Variants in CACNB2 observed in about 807,000 individuals in gnomAD.
CACNB2 encodes the protein voltage-dependent L-type calcium channel subunit beta-2.
Under a neutral mutation model 73.3 loss-of-function variants are expected in CACNB2, and 42 were observed. The observed-to-expected ratio is 0.57, with a 90% CI of 0.45 to 0.74. The LOEUF (loss-of-function observed/expected upper bound fraction) is 0.74, where lower values mean the gene tolerates loss of function less well. Ranked by LOEUF, CACNB2 falls within the 30% of genes least tolerant of loss-of-function variation. The pLI is 0.00. For synonymous variants in CACNB2, 348 were observed against 310.3 expected, an observed-to-expected ratio of 1.12 and a Z score of -1.28; for missense variants, 940 against 853.0, an observed-to-expected ratio of 1.10 and a Z score of -1.27.
intron 2 of CACNB2, among the ~76,000 whole-genome samples, chr10:18,351,278 G>A (rs1410089154): frequency 1.3e-5 from 2 of 151,426 alleles, no homozygotes; most frequent in Non-Finnish European, 1.5e-5. Flanking sequence ...TCTGTATCCC[G>A]TCATCATGTT....
chr10:18,319,188 G>T (rs2040305181), intron 2 of CACNB2, among the ~76,000 whole-genome samples: 1 of 152,084 alleles, frequency 6.6e-6, no homozygotes, highest in Admixed American at 6.6e-5. Context: ...CAAAGACTTG[G>T]AGCCAACCCA....
intron 7 of CACNB2, among the ~76,000 whole-genome samples, chr10:18,516,217 C>CA (rs144860586): frequency 6.3e-5 from 9 of 142,080 alleles, no homozygotes; most frequent in African/African-American, 8.0e-5. Context: ...AACTCTGTCT[C>CA]AAAAAAAAGA....
In CACNB2 at chr10:18,341,074, T is replaced by A. The variant is rs184120039; in HGVS notation, c.214-60850T>A. On this transcript the variant is annotated intron_variant, in intron 2 of 13. Coordinates refer to ENST00000324631, the MANE Select transcript of CACNB2 (RefSeq NM_201596.3). ...TGCCGAGCTTGAGCTAAAATCATAC[T>A]AGTTACTTAACTTTTTAGACTTTCT... is the stretch of plus-strand genomic sequence containing the variant. 5.8e-4 allele frequency: 740 copies of A among 1,269,268 alleles called. 1 individual carries two copies. The African/African-American group carries it at 8.9e-3, about 15-fold the overall frequency. The allele number at this position is 1,269,268 out of a possible 1,614,324, so 78.6% of individuals were successfully genotyped here.
intron 2 of CACNB2, among the ~76,000 whole-genome samples, chr10:18,385,183 T>TGAG (rs1034613398): frequency 1.3e-5 from 2 of 151,694 alleles, no homozygotes; most frequent in African/African-American, 4.9e-5. Context: ...CTCGAGAGGC[T>TGAG]GAGGCAGGAG....
At chr10:18,150,399 C>T (rs2031404125) in intron 1 of CACNB2, among the ~76,000 whole-genome samples, 1 of 152,254 alleles carries the variant, frequency 6.6e-6, no homozygotes, top group African/African-American at 2.4e-5. Context: ...TGCAACGGCT[C>T]ATGCCTGTAA....
At chr10:18,482,973 T>A (rs1455957437) in intron 3 of CACNB2, among the ~76,000 whole-genome samples, 2 of 152,176 alleles carry the variant, frequency 1.3e-5, no homozygotes, top group Non-Finnish European at 2.9e-5. Context: ...ATCTGTGCCT[T>A]CCTCCCGTGT....
chr10:18,227,736 A>G (rs999463026), intron 2 of CACNB2, among the ~76,000 whole-genome samples: 6 of 152,228 alleles, frequency 3.9e-5, no homozygotes, highest in South Asian at 2.1e-4. Flanking sequence ...GGCACCCTCC[A>G]GAATAGACAA....
At chr10:18,181,491 A>G (rs1163691240) in intron 2 of CACNB2, among the ~76,000 whole-genome samples, 2 of 151,838 alleles carry the variant, frequency 1.3e-5, no homozygotes, top group Non-Finnish European at 2.9e-5. Flanking sequence ...AAAATTACCT[A>G]TTTGCAGTAC....
chr10:18,183,139 C>T (rs781281354), intron 2 of CACNB2, among the ~76,000 whole-genome samples: 1 of 152,008 alleles, frequency 6.6e-6, no homozygotes, highest in Non-Finnish European at 1.5e-5. Context: ...TCTTCTTTCT[C>T]ATCTGTAAAA....
At chr10:18,380,922 C>T (rs1454445715) in intron 2 of CACNB2, among the ~76,000 whole-genome samples, 1 of 152,020 alleles carries the variant, frequency 6.6e-6, no homozygotes, top group African/African-American at 2.4e-5. Context: ...GATCCTCATA[C>T]AATCTTGATC....
At chr10:18,410,156 T>C (rs1407105994) in intron 3 of CACNB2, among the ~76,000 whole-genome samples, 1 of 152,170 alleles carries the variant, frequency 6.6e-6, no homozygotes. Flanking sequence ...CCTGCCCGCC[T>C]CTTGCAGGTA....
At chr10:18,231,010 C>T (rs1038869753) in intron 2 of CACNB2, among the ~76,000 whole-genome samples, 2 of 152,120 alleles carry the variant, frequency 1.3e-5, no homozygotes, top group Admixed American at 1.3e-4. Flanking sequence ...GGTTAGTAGG[C>T]TGAAACGAAA....
chr10:18,154,292 T>TA (rs559529942), intron 2 of CACNB2, among the ~76,000 whole-genome samples: 2,226 of 137,436 alleles, frequency 0.016, 45 homozygotes, highest in South Asian at 0.049. Flanking sequence ...TTAAGAACTT[T>TA]AAAAAAAAAA....
At chr10:18,367,690 A>T (rs1442098826) in intron 2 of CACNB2, among the ~76,000 whole-genome samples, 1 of 152,210 alleles carries the variant, frequency 6.6e-6, no homozygotes, top group Non-Finnish European at 1.5e-5. Context: ...ACATAGCAAA[A>T]CAGACAGTAA....
In CACNB2 at chr10:18,541,235, C is replaced by G. The variant is rs960506847; in HGVS notation, c.*1511C>G. 13 of 152,600 alleles carry G rather than the reference C, an allele frequency of 8.5e-5. No homozygotes were observed. The highest frequency in any genetic ancestry group is 2.9e-4 in the African/African-American group (12 of 41,428). 9.5% of individuals were successfully genotyped at this position (152,600 alleles called of 1,614,324 possible). A position where few individuals can be genotyped will look rare whatever the true frequency, so the allele number is the denominator to read the frequency against. On this transcript the variant is annotated 3_prime_UTR_variant, in exon 14 of 14. Coordinates refer to ENST00000324631, the MANE Select transcript of CACNB2 (RefSeq NM_201596.3). ...CAGAACCCAGAAGTGCTTCTTATAA[C>G]CAAAGTTTCTGTTCTTCAGAAGAAA...
At chr10:18,155,650 G>C (rs1218776689) in intron 2 of CACNB2, among the ~76,000 whole-genome samples, 3 of 152,142 alleles carry the variant, frequency 2.0e-5, no homozygotes, top group Non-Finnish European at 4.4e-5. Context: ...CAAGATGGTT[G>C]TACCAGTTTG....
At chr10:18,321,416 T>C (rs761135471) in intron 2 of CACNB2, among the ~76,000 whole-genome samples, 1 of 152,178 alleles carries the variant, frequency 6.6e-6, no homozygotes, top group Non-Finnish European at 1.5e-5. Flanking sequence ...AAATTAGTGA[T>C]TGACAAGGCA....
intron 1 of CACNB2, among the ~76,000 whole-genome samples, chr10:18,150,432 G>A (rs1334496317): frequency 6.6e-6 from 1 of 152,206 alleles, no homozygotes; most frequent in Non-Finnish European, 1.5e-5. Context: ...GGGAGGCCAA[G>A]GCGGGCGGAT....
chr10:18,356,938 A>T (rs1036541988), intron 2 of CACNB2, among the ~76,000 whole-genome samples: 5 of 94,482 alleles, frequency 5.3e-5, no homozygotes, highest in African/African-American at 1.5e-4. Flanking sequence ...CCCAGACTCA[A>T]TTTCTTTTTT....
Sources: allele counts gnomAD v4.1 joint callset (sites outside exome capture counted in the v4.1 genomes callset), GRCh38; gene constraint gnomAD v4.1.1; transcripts MANE v1.5; gene names NCBI Gene and HGNC (gene_info 2026-07-23, HGNC 2026-07-21).